Variants in MBD5 observed in about 807,000 individuals in gnomAD.
MBD5 encodes methyl-CpG-binding domain protein 5.
Under a neutral mutation model 117.3 loss-of-function variants are expected in MBD5, and 13 were observed. The observed-to-expected ratio is 0.11, with a 90% CI of 0.07 to 0.18. MBD5 has a LOEUF of 0.18. MBD5 is among the 10% of genes least tolerant of loss of function. The probability of loss-of-function intolerance (pLI) is 1.00; values close to 1 mark genes in which losing one functional copy is unlikely to be tolerated. For synonymous variants in MBD5, 727 were observed against 766.4 expected (o/e 0.95, Z 0.85); for missense variants, 1,879 against 2,093.8 (o/e 0.90, Z 2.00).
intron 1 of MBD5, among the ~76,000 whole-genome samples, chr2:148,165,982 T>C (rs1401194481): frequency 6.6e-6 from 1 of 152,196 alleles, no homozygotes; most frequent in Non-Finnish European, 1.5e-5. Flanking sequence ...TCTGGAAATA[T>C]TTAACATACT....
At chr2:148,293,147 C>CA (rs35179123) in intron 3 of MBD5, among the ~76,000 whole-genome samples, 30,417 of 84,648 alleles carry the variant, frequency 0.36, 4,785 homozygotes, top group Admixed American at 0.42. Flanking sequence ...AACCTTGCCT[C>CA]AAAAAAAAAA....
chr2:148,492,551 TA>T (rs1297226473), intron 11 of MBD5, among the ~76,000 whole-genome samples: 1 of 152,058 alleles, frequency 6.6e-6, no homozygotes, highest in Non-Finnish European at 1.5e-5. Context: ...AAGCAAGGTA[TA>T]ACAGCCTTAG....
At chr2:148,310,979 G>C (rs1702016219) in intron 3 of MBD5, among the ~76,000 whole-genome samples, 1 of 152,144 alleles carries the variant, frequency 6.6e-6, no homozygotes, top group Admixed American at 6.5e-5. Flanking sequence ...TTAATCCTGA[G>C]TTCTAATTTG....
chr2:148,328,980 A>G (rs1411093056), intron 3 of MBD5, among the ~76,000 whole-genome samples: 1 of 152,170 alleles, frequency 6.6e-6, no homozygotes, highest in Non-Finnish European at 1.5e-5. Context: ...TCAATTTTAA[A>G]ATTCTTAATT....
chr2:148,214,684 A>G (rs980309538), intron 2 of MBD5, among the ~76,000 whole-genome samples: 1 of 152,168 alleles, frequency 6.6e-6, no homozygotes, highest in African/African-American at 2.4e-5. Flanking sequence ...TGTCACAAGT[A>G]GATTATGGAA....
intron 4 of MBD5, among the ~76,000 whole-genome samples, chr2:148,452,576 C>G (rs1300529712): frequency 9.1e-6 from 1 of 110,216 alleles, no homozygotes; most frequent in Admixed American, 1.0e-4. Context: ...TGACAATAAT[C>G]TCATTAAAGC....
intron 1 of MBD5, among the ~76,000 whole-genome samples, chr2:148,141,021 C>T (rs1697299832): frequency 6.6e-6 from 1 of 152,156 alleles, no homozygotes; most frequent in African/African-American, 2.4e-5. Flanking sequence ...ATCCACCTGC[C>T]TCAGCCAACC....
chr2:148,050,336 G>T (rs1694661133), intron 1 of MBD5, among the ~76,000 whole-genome samples: 2 of 152,126 alleles, frequency 1.3e-5, no homozygotes, highest in Non-Finnish European at 2.9e-5. Context: ...CTTCTTTAGA[G>T]AAATGTTTAT....
intron 2 of MBD5, among the ~76,000 whole-genome samples, chr2:148,186,279 C>G (rs1260547478): frequency 6.6e-6 from 1 of 152,222 alleles, no homozygotes; most frequent in Non-Finnish European, 1.5e-5. Context: ...AGTTTCCCAG[C>G]TCAAGCTCTC....
intron 1 of MBD5, among the ~76,000 whole-genome samples, chr2:148,034,988 G>T (rs1573934677): frequency 1.3e-5 from 2 of 152,266 alleles, no homozygotes; most frequent in Middle Eastern, 6.8e-3. Context: ...TTAACGAGCT[G>T]TTAAAGTTCT....
intron 4 of MBD5, among the ~76,000 whole-genome samples, chr2:148,374,240 TACACACACACACACAC>T (rs57110874): frequency 4.8e-4 from 68 of 141,970 alleles, no homozygotes; most frequent in African/African-American, 1.6e-3. Context: ...TGTTTATGCA[TACACACACACACACAC>T]ACACACACAC....
intron 3 of MBD5, among the ~76,000 whole-genome samples, chr2:148,291,325 T>C (rs1365810380): frequency 6.6e-6 from 1 of 152,232 alleles, no homozygotes; most frequent in East Asian, 1.9e-4. Flanking sequence ...AGAGCTCAGA[T>C]CCATGAACAT....
chr2:148,101,765 C>G (rs910814882), intron 1 of MBD5, among the ~76,000 whole-genome samples: 2 of 152,068 alleles, frequency 1.3e-5, no homozygotes, highest in African/African-American at 4.8e-5. Flanking sequence ...AAATTGTGTT[C>G]TCTCAGTAAA....
intron 4 of MBD5, among the ~76,000 whole-genome samples, chr2:148,406,809 CCT>C (rs1263925936): frequency 1.3e-5 from 2 of 152,142 alleles, no homozygotes; most frequent in African/African-American, 4.8e-5. Flanking sequence ...ATACTCTTCC[CCT>C]GATTCTCTTC....
At chr2:148,111,824 C>G (rs945609212) in intron 1 of MBD5, among the ~76,000 whole-genome samples, 1 of 152,006 alleles carries the variant, frequency 6.6e-6, no homozygotes, top group Admixed American at 6.6e-5. Flanking sequence ...GTTCCAAACC[C>G]TATATATACT....
chr2:148,049,305 G>C (rs926512887), intron 1 of MBD5, among the ~76,000 whole-genome samples: 8 of 152,174 alleles, frequency 5.3e-5, no homozygotes, highest in African/African-American at 1.7e-4. Flanking sequence ...TTTGAACCAA[G>C]GGAGGAATTT....
intron 1 of MBD5, among the ~76,000 whole-genome samples, chr2:148,022,808 T>C (rs527385437): frequency 7.0e-4 from 107 of 152,296 alleles, no homozygotes; most frequent in African/African-American, 2.3e-3. Context: ...AGCTATAAAT[T>C]GAAAGGTAAA....
At chr2:148,325,199 T>C (rs1702411064) in intron 3 of MBD5, among the ~76,000 whole-genome samples, 1 of 152,188 alleles carries the variant, frequency 6.6e-6, no homozygotes, top group Admixed American at 6.5e-5. Context: ...CTGATCATGG[T>C]GGATAAGCTT....
intron 4 of MBD5, among the ~76,000 whole-genome samples, chr2:148,419,345 G>A (rs1705525985): frequency 6.6e-6 from 1 of 152,022 alleles, no homozygotes; most frequent in African/African-American, 2.4e-5. Flanking sequence ...CTTTTAGAAG[G>A]CCATCGTAAA....
Sources: gnomAD v4.1 joint callset for allele counts (sites outside exome capture counted in the v4.1 genomes callset) on GRCh38, gnomAD v4.1.1 for gene constraint, MANE v1.5 for transcripts, NCBI Gene and HGNC (gene_info 2026-07-23, HGNC 2026-07-21) for gene names.